CSDE1: variants seen among roughly 807,000 people sequenced by gnomAD.
CSDE1 encodes cold shock domain-containing protein E1.
CSDE1 carries 17 observed loss-of-function variants against 89.3 expected under a neutral mutation model. The ratio of observed to expected loss-of-function variants is 0.19; its 90% CI spans 0.13 to 0.29. CSDE1 has a LOEUF of 0.29. Ranked by LOEUF, CSDE1 falls within the 10% of genes least tolerant of loss-of-function variation. The pLI is 1.00. For missense variants in CSDE1, 672 were observed against 984.2 expected (o/e 0.68, Z 4.24); for synonymous variants, 322 against 332.8 (o/e 0.97, Z 0.35).
intron 2 of CSDE1, among the ~76,000 whole-genome samples, chr1:114,745,746 C>T (rs965341101): frequency 2.2e-4 from 34 of 152,176 alleles, no homozygotes; most frequent in African/African-American, 8.0e-4. Context: ...AAGTCATTGA[C>T]AAAATTAGTC....
rs1249429061 is a variant in CSDE1, at chr1:114,736,859, T to C, written c.403-4A>G. On this transcript the variant is annotated splice_region_variant and splice_polypyrimidine_tract_variant and intron_variant, in intron 5 of 19. Transcript: ENST00000358528. The stretch of plus-strand genomic sequence containing the variant: ...TGTAAGTCAGATAAAACACTTCCTG[T>C]GAATTAATAAATCATTATTACTATT... 6.3e-7 allele frequency: 1 copy of C among 1,598,400 alleles called. No homozygotes were observed.
At chr1:114,732,188 G>A (rs1251717334) in intron 10 of CSDE1, among the ~76,000 whole-genome samples, 1 of 151,988 alleles carries the variant, frequency 6.6e-6, no homozygotes, top group Non-Finnish European at 1.5e-5. Context: ...TCTAGATCAT[G>A]GGTGTTCAAT....
At chr1:114,747,095 C>G (rs1357181075) in intron 2 of CSDE1, among the ~76,000 whole-genome samples, 1 of 152,196 alleles carries the variant, frequency 6.6e-6, no homozygotes, top group East Asian at 1.9e-4. Context: ...TTGTCTGTCA[C>G]CTTTAGACTA....
At chr1:114,746,546 AAC>A (rs1661021100) in intron 2 of CSDE1, 1 of 152,172 alleles carries the variant, frequency 6.6e-6, no homozygotes, top group Non-Finnish European at 1.5e-5. Context: ...CTCCTACCTT[AAC>A]ACCTGTCTCA....
chr1:114,729,403 G>A (rs1383294057), intron 12 of CSDE1, among the ~76,000 whole-genome samples: 3 of 151,450 alleles, frequency 2.0e-5, no homozygotes, highest in Non-Finnish European at 2.9e-5. Flanking sequence ...CTGACAATAA[G>A]GTCTAAATTC....
intron 10 of CSDE1, among the ~76,000 whole-genome samples, chr1:114,731,618 A>C (rs188269156): frequency 2.0e-3 from 311 of 152,282 alleles, no homozygotes; most frequent in Admixed American, 3.3e-3. Context: ...AGTTCATAAA[A>C]CATGTTTGGG....
intron 2 of CSDE1, among the ~76,000 whole-genome samples, chr1:114,745,879 G>C (rs1660984432): frequency 6.6e-6 from 1 of 152,204 alleles, no homozygotes; most frequent in Non-Finnish European, 1.5e-5. Flanking sequence ...TTTCAGTCCT[G>C]ACTCTCAAGT....
chr1:114,742,978 G>A (rs192326167), intron 2 of CSDE1, among the ~76,000 whole-genome samples: 1 of 152,238 alleles, frequency 6.6e-6, no homozygotes, highest in African/African-American at 2.4e-5. Flanking sequence ...GTACCACTGT[G>A]TTTTACAATG....
chr1:114,732,502 G>T, intron 10 of CSDE1, 102 bp downstream of exon 10: 2 of 1,006,110 alleles, frequency 2.0e-6, no homozygotes, highest in East Asian at 2.5e-5. Flanking sequence ...ATGCCCATTA[G>T]GGTCATTTAA....
Position 114,719,742 on chromosome 1 carries a change from ACTG to A in CSDE1, c.2053-3_2053-1del. On this transcript the variant is annotated splice_acceptor_variant and splice_polypyrimidine_tract_variant and intron_variant, in intron 17 of 19. Transcript: ENST00000358528. LOFTEE classifies it high-confidence loss of function. ...CCTACTTCATAGTTAATGAAGCCAA[ACTG>A]AAAAAAAAAAGTAGGTAAAAAAGAG... 1 of 1,608,602 alleles carries A rather than the reference ACTG, an allele frequency of 6.2e-7. No homozygotes were observed. The highest frequency in any genetic ancestry group is 1.7e-4 in the Middle Eastern group (1 of 6,016).
intron 12 of CSDE1, chr1:114,727,586 C>T (rs1426987633): frequency 6.6e-6 from 1 of 152,142 alleles, no homozygotes; most frequent in African/African-American, 2.4e-5. Context: ...AGTTCAAGTA[C>T]TTGACATAAA....
intron 12 of CSDE1, among the ~76,000 whole-genome samples, 161 bp from the exon 13 acceptor site, chr1:114,727,251 T>C (rs1245121297): frequency 6.6e-6 from 1 of 152,230 alleles, no homozygotes; most frequent in Non-Finnish European, 1.5e-5. Flanking sequence ...GAATAAAAGG[T>C]AGTCTTGCCT....
At chr1:114,743,089 A>T (rs1208673295) in intron 2 of CSDE1, among the ~76,000 whole-genome samples, 1 of 152,192 alleles carries the variant, frequency 6.6e-6, no homozygotes, top group East Asian at 1.9e-4. Flanking sequence ...GAGAACCATT[A>T]TTCTAGATCA....
chr1:114,726,804 CA>C (rs879553952), intron 13 of CSDE1, among the ~76,000 whole-genome samples, 178 bp downstream of exon 13: 1 of 152,194 alleles, frequency 6.6e-6, no homozygotes, highest in Non-Finnish European at 1.5e-5. Context: ...CTTTGATTAA[CA>C]AAGAGCTTGA....
In CSDE1 at chr1:114,736,745, A is replaced by G; in HGVS notation, c.500+13T>C. 1 of 1,573,644 alleles carries G rather than the reference A, an allele frequency of 6.4e-7. No individual in the cohort carries two copies. Among genetic ancestry groups the G allele is most frequent in the East Asian group, 2.2e-5 (1 of 44,628 alleles). On this transcript the variant is annotated intron_variant, in intron 6 of 19. Transcript: ENST00000358528. Reference sequence around the variant, plus strand: ...ACCGCTTAGGTGAGAAAATTTAAAAAAAAAGAACTTACTGTTTATTGTTAT... The same window carrying G: ...ACCGCTTAGGTGAGAAAATTTAAAAGAAAAGAACTTACTGTTTATTGTTAT...
chr1:114,725,362 A>G (rs1385507914), intron 14 of CSDE1, 29 bp from the exon 15 acceptor site: 7 of 1,520,238 alleles, frequency 4.6e-6, no homozygotes, highest in Middle Eastern at 1.7e-4. Flanking sequence ...ACATTTAACT[A>G]AACATTACCA....
intron 2 of CSDE1, 99 bp from the exon 3 acceptor site, chr1:114,739,989 C>CAA: frequency 1.1e-6 from 1 of 930,886 alleles, no homozygotes; most frequent in Non-Finnish European, 1.6e-6. Flanking sequence ...TATAAAAACG[C>CAA]AAAAAAAAGT....
In CSDE1 at chr1:114,737,514, G is replaced by C. The variant is rs779821516; in HGVS notation, c.359C>G (p.Pro120Arg). Residue 120 changes from proline to arginine, a missense_variant, in exon 5 of 20, where the codon CCG becomes CGG. By Grantham distance (103) the Pro-to-Arg change is moderately radical (BLOSUM62 -2). This residue lies in a region of CSDE1 where 124 missense variants were observed against 138.7 expected (regional missense o/e 0.89). Transcript: ENST00000358528. ...HNLESKSPAA[P>R]GQSPTGSVCY... ...TACACTCCCTGTTGGACTCTGACCCGGGGCAGCTGGAGATTTACTCTCTAA... is the reference window on the plus strand; with the variant it reads ...TACACTCCCTGTTGGACTCTGACCCCGGGCAGCTGGAGATTTACTCTCTAA... 6.8e-6 allele frequency: 11 copies of C among 1,613,886 alleles called. No individual in the cohort carries two copies. Among genetic ancestry groups the C allele is most frequent in the African/African-American group, 1.3e-5 (1 of 74,950 alleles).
rs542388231 is a variant in CSDE1, at chr1:114,732,743, G to A, written c.911C>T (p.Thr304Met). The A allele has an allele frequency of 2.3e-5, 37 of 1,614,080 alleles. No homozygotes were observed. The South Asian group carries it at 2.5e-4, about 11-fold the overall frequency. ...TTCCAGCAGGGTCACCTTGGATTTCGTATCTTTGTCTCCAAAGGGAAGTTC... is the reference window on the plus strand; with the variant it reads ...TTCCAGCAGGGTCACCTTGGATTTCATATCTTTGTCTCCAAAGGGAAGTTC... ...PKELPFGDKD[T>M]KSKVTLLEGD... The change falls in exon 10 of 20, where the codon ACG becomes ATG. Residue 304 changes from threonine (T) to methionine (M), a missense_variant. By Grantham distance (81) the Thr-to-Met change is moderately conservative (BLOSUM62 -1). Transcript: ENST00000358528.
Sources: allele counts gnomAD v4.1 joint callset (sites outside exome capture counted in the v4.1 genomes callset), GRCh38; gene constraint gnomAD v4.1.1; regional missense constraint gnomAD v4.1.1; transcripts MANE v1.5; gene names NCBI Gene and HGNC (gene_info 2026-07-23, HGNC 2026-07-21).